SLC25A25: variants seen among roughly 807,000 people sequenced by gnomAD.
SLC25A25 encodes solute carrier family 25 member 25.
SLC25A25 carries 32 observed loss-of-function variants against 57.7 expected under a neutral mutation model. That is an observed-to-expected ratio of 0.55 (90% CI 0.42 to 0.74). SLC25A25 has a LOEUF of 0.74. Among genes scored for constraint, SLC25A25 ranks in the 30% least tolerant of loss-of-function variants. The pLI, the probability that SLC25A25 is intolerant of heterozygous loss-of-function variation, is 0.00. For missense variants in SLC25A25, 556 were observed against 701.3 expected, an observed-to-expected ratio of 0.79 and a Z score of 2.34; for synonymous variants, 306 against 291.2, an observed-to-expected ratio of 1.05 and a Z score of -0.52.
chr9:128,076,450 ATT>A (rs1187861737), intron 1 of SLC25A25, among the ~76,000 whole-genome samples: 30 of 98,858 alleles, frequency 3.0e-4, no homozygotes, highest in Middle Eastern at 6.4e-3. Context: ...TTTTATTTTT[ATT>A]TTTATTTTTA....
chr9:128,098,002 C>T (rs1031749999), intron 1 of SLC25A25, among the ~76,000 whole-genome samples: 1 of 152,198 alleles, frequency 6.6e-6, no homozygotes, highest in African/African-American at 2.4e-5. Context: ...TGGCTAGGCA[C>T]CTGGCTCTCG....
intron 1 of SLC25A25, among the ~76,000 whole-genome samples, chr9:128,094,904 G>A (rs565583741): frequency 2.0e-5 from 3 of 152,286 alleles, no homozygotes; most frequent in Non-Finnish European, 4.4e-5. Context: ...CACTGTTTCC[G>A]AATACTAGTC....
At chr9:128,081,517 A>G (rs1310896456) in intron 1 of SLC25A25, among the ~76,000 whole-genome samples, 1 of 152,108 alleles carries the variant, frequency 6.6e-6, no homozygotes, top group African/African-American at 2.4e-5. Flanking sequence ...TTTTTTGAAC[A>G]TTTTAGGTGA....
chr9:128,074,054 G>A (rs1408192789), intron 1 of SLC25A25, among the ~76,000 whole-genome samples: 1 of 142,142 alleles, frequency 7.0e-6, no homozygotes, highest in Non-Finnish European at 1.5e-5. Context: ...TTTTTTGTGT[G>A]TGTGTGACGG....
chr9:128,100,736 G>T (rs1327212503), intron 1 of SLC25A25: 2 of 235,858 alleles, frequency 8.5e-6, no homozygotes, highest in Non-Finnish European at 1.7e-5. Flanking sequence ...CTGCAGCGAA[G>T]CCACCCTGCT....
At chr9:128,098,336 A>T in intron 1 of SLC25A25, 1 of 670,516 alleles carries the variant, frequency 1.5e-6, no homozygotes, top group East Asian at 3.9e-5. Flanking sequence ...TGTGCCTCTC[A>T]CTTGAGCAAC....
intron 9 of SLC25A25, 121 bp from the exon 10 acceptor site, chr9:128,106,891 GCAGCCAGGCTAGGAGCC>G (rs1834062608): frequency 9.6e-7 from 1 of 1,041,022 alleles, no homozygotes; most frequent in Admixed American, 2.3e-5. Flanking sequence ...CAGAAACAGG[GCAGCCAGGCTAGGAGCC>G]CAGCCAGGCC....
At chr9:128,084,119 G>C (rs1833221781) in intron 1 of SLC25A25, among the ~76,000 whole-genome samples, 1 of 152,046 alleles carries the variant, frequency 6.6e-6, no homozygotes, top group South Asian at 2.1e-4. Context: ...CCAACCAACT[G>C]AATGGACCTC....
chr9:128,088,723 C>T (rs1186736667), intron 1 of SLC25A25, among the ~76,000 whole-genome samples: 3 of 152,130 alleles, frequency 2.0e-5, no homozygotes. Context: ...GTGACTTAGT[C>T]CCTGTTACTC....
Position 128,107,219 on chromosome 9 carries a change from G to C in SLC25A25, c.1363+40G>C, listed in dbSNP as rs115948293. ...GGACAGTCCCCTGGGAGGTCGGGGGGAGCGGACAGAAGCATCTGACTGGTG... is the reference window on the plus strand; with the variant it reads ...GGACAGTCCCCTGGGAGGTCGGGGGCAGCGGACAGAAGCATCTGACTGGTG... On this transcript the variant is annotated intron_variant, in intron 10 of 10. Transcript: ENST00000373069. 3,932 of 1,612,598 alleles carry C rather than the reference G, an allele frequency of 2.4e-3. 92 individuals are homozygous for C. The African/African-American group carries it at 0.044, about 18-fold the overall frequency.
At position 128,101,404 on chromosome 9, in the gene SLC25A25, C is replaced by G; in HGVS notation, c.476+8C>G. The stretch of plus-strand genomic sequence containing the variant: ...AGAAAAAATTCTCAAGAGGTGAGTG[C>G]TCAGCCAGCCTCTGTGTTTGGTTTA... On this transcript the variant is annotated splice_region_variant and intron_variant, in intron 3 of 10. Transcript: ENST00000373069. The surrounding 1 kb of genome is among the most constrained non-coding windows in gnomAD (Gnocchi z 4.9). 6.2e-7 allele frequency: 1 copy of G among 1,613,520 alleles called. No individual in the cohort carries two copies.
At chr9:128,085,714 T>C (rs1833259854) in intron 1 of SLC25A25, among the ~76,000 whole-genome samples, 1 of 152,176 alleles carries the variant, frequency 6.6e-6, no homozygotes, top group South Asian at 2.1e-4. Flanking sequence ...TATTTCCTTC[T>C]AAGTACTGCT....
intron 1 of SLC25A25, among the ~76,000 whole-genome samples, chr9:128,097,825 G>A (rs188057791): frequency 6.6e-6 from 1 of 152,356 alleles, no homozygotes; most frequent in Admixed American, 6.5e-5. Flanking sequence ...GAAGGCTGGT[G>A]CTCACATTGC....
intron 1 of SLC25A25, among the ~76,000 whole-genome samples, chr9:128,072,282 G>A (rs997695152): frequency 1.3e-5 from 2 of 152,192 alleles, no homozygotes; most frequent in African/African-American, 4.8e-5. Context: ...CTGAGGCTTT[G>A]CAGAACTAGC....
intron 6 of SLC25A25, among the ~76,000 whole-genome samples, chr9:128,104,116 A>T (rs1419272403): frequency 1.3e-5 from 2 of 152,280 alleles, no homozygotes; most frequent in East Asian, 3.9e-4. Context: ...GGCAGGAACC[A>T]ATTTCTGTAA....
chr9:128,105,184 T>C (rs1223718419), intron 6 of SLC25A25, among the ~76,000 whole-genome samples: 4 of 135,804 alleles, frequency 2.9e-5, no homozygotes, highest in Admixed American at 1.5e-4. Context: ...TTTTTTTTTT[T>C]TTCTAAAATA....
rs1588787901 is a variant in SLC25A25 at position 128,102,806 on chromosome 9, C to T, written c.624+325C>T. Among the ~76,000 whole-genome samples, 1 of 152,204 alleles carries T rather than the reference C, an allele frequency of 6.6e-6. No homozygotes were observed. Among genetic ancestry groups the T allele is most frequent in the African/African-American group, 2.4e-5 (1 of 41,450 alleles). On this transcript the variant is annotated intron_variant, in intron 5 of 10. Coordinates refer to ENST00000373069, the MANE Select transcript of SLC25A25 (RefSeq NM_001330988.2). The surrounding 1 kb of genome is among the most constrained non-coding windows in gnomAD (Gnocchi z 4.1). ...CATGATGCTGTCTGTTCTCCCAAAGCTGGTATGAGCCTTCCCCCCGGTGGG... is the reference window on the plus strand; with the variant it reads ...CATGATGCTGTCTGTTCTCCCAAAGTTGGTATGAGCCTTCCCCCCGGTGGG...
In SLC25A25 at chr9:128,101,466, G is replaced by C; in HGVS notation, c.476+70G>C. 1 of 1,537,730 alleles carries C rather than the reference G, an allele frequency of 6.5e-7. No homozygotes were observed. The highest frequency in any genetic ancestry group is 8.9e-7 in the Non-Finnish European group (1 of 1,119,534). On this transcript the variant is annotated intron_variant, in intron 3 of 10. Coordinates refer to ENST00000373069, the MANE Select transcript of SLC25A25 (RefSeq NM_001330988.2). The surrounding 1 kb of genome is among the most constrained non-coding windows in gnomAD (Gnocchi z 4.9). The stretch of plus-strand genomic sequence containing the variant: ...GGGAAGGCTCTGAGACTAACCCTCC[G>C]ATGCCATTCCCTGGGCTGACCCTGA...
Position 128,108,563 on chromosome 9 carries a change from ATTTG to A in SLC25A25, c.*1123_*1126del, listed in dbSNP as rs1252682512. ...AGTTATGTCCTAACTATTTTTATAG[ATTTG>A]TTTAATTAATAGCTTGTCATTTTCA... On this transcript the variant is annotated 3_prime_UTR_variant, in exon 11 of 11. Transcript: ENST00000373069. The A allele has an allele frequency of 1.6e-5, 4 of 255,212 alleles. No individual in the cohort carries two copies. The East Asian group carries it at 2.9e-4, about 19-fold the overall frequency. 15.8% of individuals were successfully genotyped at this position (255,212 alleles called of 1,614,324 possible).
Sources: allele counts gnomAD v4.1 joint callset (sites outside exome capture counted in the v4.1 genomes callset), GRCh38; gene constraint gnomAD v4.1.1; non-coding constraint Gnocchi (gnomAD v3.1); transcripts MANE v1.5; gene names NCBI Gene and HGNC (gene_info 2026-07-23, HGNC 2026-07-21).